Variants in LRRIQ3 observed in about 807,000 individuals in gnomAD.
The protein encoded by LRRIQ3 is leucine-rich repeat and IQ domain-containing protein 3.
In LRRIQ3, 75 loss-of-function variants were observed where a neutral mutation model predicts 59.3. The ratio of observed to expected loss-of-function variants is 1.26; its 90% confidence interval spans 1.05 to 1.53. The LOEUF is 1.53. Among genes scored for constraint, LRRIQ3 ranks in the 40% most tolerant of loss-of-function variants. The pLI, the probability that LRRIQ3 is intolerant of heterozygous loss-of-function variation, is 0.00. For missense variants in LRRIQ3, 831 were observed against 710.0 expected, an observed-to-expected ratio of 1.17 and a Z score of -1.94; for synonymous variants, 250 against 231.3, an observed-to-expected ratio of 1.08 and a Z score of -0.73.
At chr1:74,090,710 G>A (rs991952957) in intron 5 of LRRIQ3, among the ~76,000 whole-genome samples, 1 of 151,384 alleles carries the variant, frequency 6.6e-6, no homozygotes, top group African/African-American at 2.4e-5. Context: ...CAACAACCTT[G>A]TCTCTAAAAA....
At chr1:74,166,293 T>C (rs776160377) in intron 3 of LRRIQ3, among the ~76,000 whole-genome samples, 8 of 151,524 alleles carry the variant, frequency 5.3e-5, no homozygotes, top group African/African-American at 1.9e-4. Context: ...TAGTTTGTGT[T>C]TTTTTTTCTG....
chr1:74,030,713 T>C (rs1472063141), intron 7 of LRRIQ3, among the ~76,000 whole-genome samples: 2 of 152,196 alleles, frequency 1.3e-5, no homozygotes, highest in Non-Finnish European at 2.9e-5. Flanking sequence ...AAGGACTTCA[T>C]GTCTAAAACA....
chr1:74,134,717 A>T (rs1227419564), intron 4 of LRRIQ3, among the ~76,000 whole-genome samples: 1 of 151,942 alleles, frequency 6.6e-6, no homozygotes. Context: ...TACATACTGT[A>T]GTACATAGAG....
chr1:74,168,364 G>A (rs1376152293), intron 3 of LRRIQ3, among the ~76,000 whole-genome samples: 1 of 151,814 alleles, frequency 6.6e-6, no homozygotes, highest in South Asian at 2.1e-4. Flanking sequence ...TTCCCTTTGT[G>A]CTGAAATTTC....
At chr1:74,185,693 C>T (rs1650321027) in intron 1 of LRRIQ3, among the ~76,000 whole-genome samples, 1 of 152,140 alleles carries the variant, frequency 6.6e-6, no homozygotes, top group African/African-American at 2.4e-5. Context: ...CCTGTAATCC[C>T]AGCACTTTGG....
intron 6 of LRRIQ3, among the ~76,000 whole-genome samples, chr1:74,054,906 ATAAAT>A (rs1167610966): frequency 6.8e-6 from 1 of 147,634 alleles, no homozygotes; most frequent in African/African-American, 2.5e-5. Flanking sequence ...AATTACAACT[ATAAAT>A]TATATAAAAT....
intron 3 of LRRIQ3, among the ~76,000 whole-genome samples, chr1:74,171,548 T>A (rs951597690): frequency 6.6e-6 from 1 of 152,198 alleles, no homozygotes; most frequent in African/African-American, 2.4e-5. Context: ...TTCAGTTTCT[T>A]AATACCTTGG....
intron 5 of LRRIQ3, among the ~76,000 whole-genome samples, chr1:74,098,120 A>G (rs2100533206): frequency 6.6e-6 from 1 of 152,220 alleles, no homozygotes; most frequent in East Asian, 1.9e-4. Context: ...CAAATTGGAT[A>G]AAGAGTCAAG....
intron 1 of LRRIQ3, among the ~76,000 whole-genome samples, chr1:74,191,113 C>G (rs1052372017): frequency 2.0e-5 from 3 of 152,008 alleles, no homozygotes; most frequent in Non-Finnish European, 1.5e-5. Flanking sequence ...ACAGTAAGCT[C>G]TACAAAATTA....
Position 74,182,523 on chromosome 1 carries a change from A to G in LRRIQ3, c.573+15T>C, listed in dbSNP as rs200708234. ...ATACATTTAATTAAAATGAAACCCT[A>G]AAGAAGCCAATTACCTTTCTCAAAG... On this transcript the variant is annotated intron_variant, in intron 3 of 7. Coordinates refer to ENST00000354431, the MANE Select transcript of LRRIQ3 (RefSeq NM_001105659.2). The G allele has an allele frequency of 1.7e-5, 25 of 1,477,050 alleles. 1 individual carries two copies. The African/African-American group carries it at 2.4e-4, about 14-fold the overall frequency. 91.5% of individuals were successfully genotyped at this position (1,477,050 alleles called of 1,614,324 possible). A position where few individuals can be genotyped will look rare whatever the true frequency, so the allele number is the denominator to read the frequency against.
At chr1:74,088,982 T>C (rs567445485) in intron 5 of LRRIQ3, among the ~76,000 whole-genome samples, 2 of 152,108 alleles carry the variant, frequency 1.3e-5, no homozygotes, top group South Asian at 2.1e-4. Context: ...AAAGATAATC[T>C]ATTATAAAAT....
intron 4 of LRRIQ3, among the ~76,000 whole-genome samples, chr1:74,124,969 T>C (rs1646914486): frequency 6.6e-6 from 1 of 151,976 alleles, no homozygotes; most frequent in Non-Finnish European, 1.5e-5. Context: ...ATTTTAAAAA[T>C]ATTAATTATT....
intron 6 of LRRIQ3, among the ~76,000 whole-genome samples, chr1:74,052,451 T>C (rs983090625): frequency 2.6e-5 from 4 of 152,164 alleles, no homozygotes; most frequent in Non-Finnish European, 4.4e-5. Flanking sequence ...AGATTTGCTG[T>C]GAGGGTTGAG....
intron 5 of LRRIQ3, among the ~76,000 whole-genome samples, chr1:74,100,421 T>C (rs1646513320): frequency 6.6e-6 from 1 of 152,100 alleles, no homozygotes; most frequent in Non-Finnish European, 1.5e-5. Context: ...CACAAACAAA[T>C]GGAAGAACGT....
chr1:74,145,081 T>C (rs1380186276), intron 4 of LRRIQ3, among the ~76,000 whole-genome samples: 1 of 152,160 alleles, frequency 6.6e-6, no homozygotes, highest in Non-Finnish European at 1.5e-5. Flanking sequence ...CTGAAAATCC[T>C]TCCATTTTGG....
At chr1:74,045,449 T>C (rs1654172856) in intron 6 of LRRIQ3, among the ~76,000 whole-genome samples, 1 of 152,162 alleles carries the variant, frequency 6.6e-6, no homozygotes, top group Non-Finnish European at 1.5e-5. Context: ...TAGGCATTGA[T>C]GGAACGTATC....
At chr1:74,184,513 A>C (rs1650228621) in intron 1 of LRRIQ3, among the ~76,000 whole-genome samples, 2 of 152,146 alleles carry the variant, frequency 1.3e-5, no homozygotes, top group South Asian at 4.1e-4. Flanking sequence ...GTGCAGATAA[A>C]CTAAATCAGT....
chr1:74,188,623 C>G (rs1353284286), intron 1 of LRRIQ3, among the ~76,000 whole-genome samples: 1 of 152,070 alleles, frequency 6.6e-6, no homozygotes, highest in Non-Finnish European at 1.5e-5. Context: ...TTTAATGGCC[C>G]TGTTTTCCAC....
At chr1:74,185,907 C>T (rs1019967242) in intron 1 of LRRIQ3, among the ~76,000 whole-genome samples, 13 of 151,344 alleles carry the variant, frequency 8.6e-5, no homozygotes, top group Admixed American at 1.3e-4. Flanking sequence ...AGCAAGACTA[C>T]GTCTCAAAAA....
Sources: gnomAD v4.1 joint callset for allele counts (sites outside exome capture counted in the v4.1 genomes callset) on GRCh38, gnomAD v4.1.1 for gene constraint, MANE v1.5 for transcripts, NCBI Gene and HGNC (gene_info 2026-07-23, HGNC 2026-07-21) for gene names.